EPB41L5: variants seen among roughly 807,000 people sequenced by gnomAD.
EPB41L5 encodes band 4.1-like protein 5.
EPB41L5 carries 55 observed loss-of-function variants against 106.6 expected under a neutral mutation model. The observed-to-expected ratio is 0.52, with a 90% confidence interval of 0.42 to 0.65. The LOEUF (loss-of-function observed/expected upper bound fraction) is 0.65. Ranked by LOEUF, EPB41L5 falls within the 30% of genes least tolerant of loss-of-function variation. The pLI is 0.00. For synonymous variants in EPB41L5, 297 were observed against 306.7 expected (o/e 0.97, Z 0.33); for missense variants, 871 against 882.1 (o/e 0.99, Z 0.16).
chr2:120,017,493 CTT>C (rs986516008), intron 1 of EPB41L5, among the ~76,000 whole-genome samples: 11 of 152,296 alleles, frequency 7.2e-5, no homozygotes, highest in South Asian at 2.1e-4. Context: ...CTTAAACTCT[CTT>C]TGTTGTGCAA....
intron 16 of EPB41L5, among the ~76,000 whole-genome samples, chr2:120,109,323 A>G (rs1684613885): frequency 6.6e-6 from 1 of 152,256 alleles, no homozygotes; most frequent in East Asian, 1.9e-4. Context: ...TTGTTCTCCT[A>G]CAATGCTGGG....
intron 16 of EPB41L5, among the ~76,000 whole-genome samples, chr2:120,124,189 C>T (rs1685354823): frequency 6.6e-6 from 1 of 152,172 alleles, no homozygotes; most frequent in South Asian, 2.1e-4. Flanking sequence ...CTTCATATTT[C>T]ACCTCTTCCG....
At chr2:120,100,380 C>T (rs1338885258) in intron 15 of EPB41L5, 94 bp downstream of exon 15, 1 of 1,165,494 alleles carries the variant, frequency 8.6e-7, no homozygotes, top group Non-Finnish European at 1.3e-6. Flanking sequence ...GTGTATGTAA[C>T]CCTGCACAAA....
intron 4 of EPB41L5, among the ~76,000 whole-genome samples, chr2:120,073,730 T>G (rs1164004881): frequency 6.6e-6 from 1 of 152,148 alleles, no homozygotes; most frequent in Non-Finnish European, 1.5e-5. Flanking sequence ...ATTATAGAAG[T>G]TAGTGAACTT....
intron 3 of EPB41L5, among the ~76,000 whole-genome samples, chr2:120,045,904 T>C (rs886506165): frequency 7.9e-5 from 12 of 151,474 alleles, no homozygotes; most frequent in African/African-American, 1.9e-4. Flanking sequence ...TGAGAACATA[T>C]GTTGTTTGGT....
At chr2:120,119,242 A>G (rs1375654085) in intron 16 of EPB41L5, among the ~76,000 whole-genome samples, 1 of 151,914 alleles carries the variant, frequency 6.6e-6, no homozygotes, top group Non-Finnish European at 1.5e-5. Flanking sequence ...TCAGATAGAT[A>G]TATTGCAAAA....
chr2:120,069,128 C>CAAAAAAAAAAAAAAAAAAAAA (rs539813602), intron 3 of EPB41L5, among the ~76,000 whole-genome samples: 1 of 79,556 alleles, frequency 1.3e-5, no homozygotes, highest in African/African-American at 5.9e-5. Context: ...AACTCTGTCT[C>CAAAAAAAAAAAAAAAAAAAAA]AAAAAAAAAA....
chr2:120,086,627 T>C (rs576802563), intron 10 of EPB41L5, among the ~76,000 whole-genome samples: 1 of 151,742 alleles, frequency 6.6e-6, no homozygotes, highest in East Asian at 2.0e-4. Flanking sequence ...CCTGGTGTGG[T>C]GTGGGAGTAA....
chr2:120,025,289 T>G (rs552618018), intron 2 of EPB41L5, among the ~76,000 whole-genome samples: 57 of 152,396 alleles, frequency 3.7e-4, no homozygotes, highest in Middle Eastern at 3.4e-3. Flanking sequence ...CATAGAGGTG[T>G]TCATAGTATT....
At chr2:120,123,159 T>TC (rs1304392875) in intron 16 of EPB41L5, among the ~76,000 whole-genome samples, 2 of 152,166 alleles carry the variant, frequency 1.3e-5, no homozygotes, top group Non-Finnish European at 2.9e-5. Context: ...TGTTTTTTTT[T>TC]CACTTGAAAC....
At chr2:120,069,203 C>G (rs1389681820) in intron 3 of EPB41L5, among the ~76,000 whole-genome samples, 1 of 138,732 alleles carries the variant, frequency 7.2e-6, no homozygotes, top group African/African-American at 2.8e-5. Flanking sequence ...ATAAAACAGA[C>G]TTTAAACCAA....
intron 15 of EPB41L5, 149 bp from the exon 16 acceptor site, chr2:120,100,550 A>G (rs1684074410): frequency 1.5e-6 from 1 of 671,988 alleles, no homozygotes. Flanking sequence ...TATTTCATTC[A>G]TTAACTATCT....
intron 19 of EPB41L5, among the ~76,000 whole-genome samples, chr2:120,144,291 G>C (rs960274783): frequency 2.0e-5 from 3 of 152,112 alleles, no homozygotes; most frequent in African/African-American, 7.2e-5. Context: ...CCATCTATGA[G>C]GAATGGGCCC....
intron 7 of EPB41L5, among the ~76,000 whole-genome samples, 187 bp downstream of exon 7, chr2:120,075,940 T>C (rs545406181): frequency 6.6e-5 from 10 of 152,346 alleles, no homozygotes; most frequent in African/African-American, 2.2e-4. Context: ...CTCTTTCATG[T>C]AATTGCGCCC....
chr2:120,132,016 G>A (rs1685717111), intron 18 of EPB41L5, among the ~76,000 whole-genome samples: 1 of 152,086 alleles, frequency 6.6e-6, no homozygotes, highest in African/African-American at 2.4e-5. Flanking sequence ...ACTTGCTGAA[G>A]CCTTTTGAAA....
Position 120,127,992 on chromosome 2 carries a change from T to C in EPB41L5, c.1501+141T>C, listed in dbSNP as rs1439717029. The C allele has an allele frequency of 1.2e-5, 8 of 644,746 alleles. 1 individual carries two copies. In the Admixed American group the frequency reaches 2.2e-4, roughly 18 times the overall value. 39.9% of individuals were successfully genotyped at this position (644,746 alleles called of 1,614,324 possible). On this transcript the variant is annotated intron_variant, in intron 17 of 24. Coordinates refer to ENST00000263713, the MANE Select transcript of EPB41L5 (RefSeq NM_020909.4). ...TTCAGAAGAGTTATGCCCTCTTGCC[T>C]TTTTGACTTAAGGTAACACTGAAAT...
intron 2 of EPB41L5, among the ~76,000 whole-genome samples, chr2:120,026,012 C>G (rs760187870): frequency 3.9e-5 from 6 of 151,990 alleles, no homozygotes; most frequent in Admixed American, 6.6e-5. Flanking sequence ...GACAAAGATG[C>G]CAAGATGTTA....
intron 19 of EPB41L5, among the ~76,000 whole-genome samples, chr2:120,145,219 A>G (rs542334272): frequency 6.6e-6 from 1 of 152,370 alleles, no homozygotes; most frequent in East Asian, 1.9e-4. Flanking sequence ...CCGCAATTAC[A>G]TTCTTAGATA....
intron 16 of EPB41L5, chr2:120,107,039 A>G: frequency 1.9e-6 from 1 of 521,890 alleles, no homozygotes; most frequent in Non-Finnish European, 2.5e-6. Flanking sequence ...TGTTGGCCAA[A>G]AAATGTTATT....
Sources: gnomAD v4.1 joint callset for allele counts (sites outside exome capture counted in the v4.1 genomes callset) on GRCh38, gnomAD v4.1.1 for gene constraint, MANE v1.5 for transcripts, NCBI Gene and HGNC (gene_info 2026-07-23, HGNC 2026-07-21) for gene names.